GRTP1: variants seen among roughly 807,000 people sequenced by gnomAD.
GRTP1 encodes growth hormone regulated TBC protein 1.
In GRTP1, 56 loss-of-function variants were observed where a neutral mutation model predicts 38.1. That is an observed-to-expected ratio of 1.47 (90% CI 1.19 to 1.84). The LOEUF is 1.84. Among genes scored for constraint, GRTP1 ranks in the 40% most tolerant of loss-of-function variants. The pLI is 0.00. For missense variants in GRTP1, 506 were observed against 453.9 expected, an observed-to-expected ratio of 1.11 and a Z score of -1.04; for synonymous variants, 217 against 189.5, an observed-to-expected ratio of 1.14 and a Z score of -1.19.
chr13:113,339,093 T>C (rs963534758), intron 5 of GRTP1, among the ~76,000 whole-genome samples: 5 of 152,094 alleles, frequency 3.3e-5, no homozygotes, highest in Non-Finnish European at 7.4e-5. Flanking sequence ...TTTGTATTTT[T>C]AGTAGAGACA....
chr13:113,332,616 A>G (rs2042893706), intron 5 of GRTP1, among the ~76,000 whole-genome samples: 1 of 152,234 alleles, frequency 6.6e-6, no homozygotes, highest in East Asian at 1.9e-4. Flanking sequence ...ACGGTCTTCA[A>G]GCACTCCGTA....
chr13:113,329,176 G>A (rs1307840465), intron 5 of GRTP1, among the ~76,000 whole-genome samples: 1 of 152,250 alleles, frequency 6.6e-6, no homozygotes, highest in Non-Finnish European at 1.5e-5. Context: ...GACCTAAGGT[G>A]TACAGGGGAA....
At chr13:113,363,135 G>A (rs2043528520) in intron 2 of GRTP1, among the ~76,000 whole-genome samples, 1 of 152,188 alleles carries the variant, frequency 6.6e-6, no homozygotes, top group Admixed American at 6.5e-5. Flanking sequence ...CGAGGCGGGC[G>A]GGCGGTCAGG....
At chr13:113,340,373 G>T (rs1370646295) in intron 5 of GRTP1, among the ~76,000 whole-genome samples, 1 of 146,730 alleles carries the variant, frequency 6.8e-6, no homozygotes, top group East Asian at 2.1e-4. Context: ...CAGCTACTCA[G>T]AAGACTGAGG....
chr13:113,326,183 AC>A, intron 5 of GRTP1, 92 bp from the exon 6 acceptor site: 6 of 1,487,406 alleles, frequency 4.0e-6, no homozygotes, highest in Non-Finnish European at 5.4e-6. Context: ...CAACAGGGCC[AC>A]CCTGGGAGGA....
intron 5 of GRTP1, among the ~76,000 whole-genome samples, chr13:113,333,989 C>G (rs1247960944): frequency 2.0e-5 from 3 of 151,844 alleles, no homozygotes; most frequent in African/African-American, 7.3e-5. Flanking sequence ...TGTGCGCCAC[C>G]ATGCCTGGCT....
chr13:113,325,370 G>C, intron 7 of GRTP1: 3 of 1,427,726 alleles, frequency 2.1e-6, no homozygotes, highest in Non-Finnish European at 2.7e-6. Flanking sequence ...GGGGAGGCCG[G>C]GCCTCGGGAA....
At position 113,364,016 on chromosome 13, in the gene GRTP1, A is replaced by G. The variant is rs1408702578; in HGVS notation, c.32+4T>C. 3 of 1,355,114 alleles carry G rather than the reference A, an allele frequency of 2.2e-6. No homozygotes were observed. Among genetic ancestry groups the G allele is most frequent in the Non-Finnish European group, 9.5e-7 (1 of 1,057,896 alleles). 83.9% of individuals were successfully genotyped at this position (1,355,114 alleles called of 1,614,324 possible). A position where few individuals can be genotyped will look rare whatever the true frequency, so the allele number is the denominator to read the frequency against. On this transcript the variant is annotated splice_donor_region_variant and intron_variant, in intron 1 of 7. Coordinates refer to ENST00000375431, the MANE Select transcript of GRTP1 (RefSeq NM_024719.4). ...CGGGGACGCCCGCACCCCGCGCCAC[A>G]CACCTGGGGACCCGCGAGCGCTCGG...
intron 7 of GRTP1, chr13:113,324,866 G>C (rs1719584703): frequency 1.6e-5 from 16 of 1,025,304 alleles, no homozygotes; most frequent in Non-Finnish European, 1.9e-5. Flanking sequence ...TCACTCTGTT[G>C]CCCAGGCTGG....
At chr13:113,330,844 A>T (rs79007994) in intron 5 of GRTP1, among the ~76,000 whole-genome samples, 756 of 972 alleles carry the variant, frequency 0.78, 319 homozygotes, top group South Asian at 0.92. Context: ...GGTGTGTGGA[A>T]GGAAACCCAG....
chr13:113,337,020 G>A (rs1209252870), intron 5 of GRTP1, among the ~76,000 whole-genome samples: 1 of 152,342 alleles, frequency 6.6e-6, no homozygotes, highest in East Asian at 1.9e-4. Context: ...GAGGCCAGGC[G>A]TGGTGGCTCA....
rs1425677041 is a variant in GRTP1, at chr13:113,342,504, C to CA, written c.562+2358dup. On this transcript the variant is annotated intron_variant, in intron 5 of 7. Transcript: ENST00000375431. This position sits in a 1 kb window ranked among gnomAD's most constrained non-coding sequence, Gnocchi z 4.5. ...TGGGCGACAGAGCGAGACTCAGTCT[C>CA]AAAAAAAAAAAAGTACTGTATTTTT... is the stretch of plus-strand genomic sequence containing the variant. 4.0e-3 allele frequency among the ~76,000 whole-genome samples: 550 copies of CA among 136,024 alleles called. 2 individuals are homozygous for CA. Among genetic ancestry groups the CA allele is most frequent in the African/African-American group, 0.012 (436 of 36,910 alleles). 89.2% of individuals were successfully genotyped at this position (136,024 alleles called of 152,430 possible).
At chr13:113,326,330 C>T (rs538176174) in intron 5 of GRTP1, among the ~76,000 whole-genome samples, 12 of 139,290 alleles carry the variant, frequency 8.6e-5, no homozygotes, top group Admixed American at 1.6e-4. Context: ...GGCTGGATGC[C>T]GCCTGGCTGG....
intron 3 of GRTP1, among the ~76,000 whole-genome samples, chr13:113,352,252 A>ATT (rs1566437454): frequency 8.3e-6 from 1 of 121,028 alleles, no homozygotes; most frequent in South Asian, 2.4e-4. Flanking sequence ...ATTTATATAT[A>ATT]TTTATATATT....
At chr13:113,335,791 AT>A (rs879303395) in intron 5 of GRTP1, among the ~76,000 whole-genome samples, 1,552 of 145,120 alleles carry the variant, frequency 0.011, 7 homozygotes, top group Middle Eastern at 0.042. Context: ...AAATGACGGG[AT>A]TTTTTTTTTT....
At chr13:113,340,330 T>C (rs1172201044) in intron 5 of GRTP1, among the ~76,000 whole-genome samples, 1 of 145,000 alleles carries the variant, frequency 6.9e-6, no homozygotes, top group Non-Finnish European at 1.5e-5. Context: ...AAAAAAAAAA[T>C]CAACTAGGCA....
intron 5 of GRTP1, among the ~76,000 whole-genome samples, chr13:113,329,758 C>G (rs2042829988): frequency 6.6e-6 from 1 of 152,172 alleles, no homozygotes; most frequent in Non-Finnish European, 1.5e-5. Flanking sequence ...ACCAAAAATA[C>G]CATTTGTGGG....
chr13:113,352,291 TTTATATATA>T, intron 3 of GRTP1, among the ~76,000 whole-genome samples: 1 of 49,940 alleles, frequency 2.0e-5, no homozygotes, highest in Admixed American at 3.1e-4. Flanking sequence ...TTTATATATA[TTTATATATA>T]TTTTATATAT....
In GRTP1 at chr13:113,360,521, A is replaced by T. The variant is rs115888727; in HGVS notation, c.181+3241T>A. Among the ~76,000 whole-genome samples, 938 of 152,182 alleles carry T rather than the reference A, an allele frequency of 6.2e-3. 10 individuals carry two copies. Among genetic ancestry groups the T allele is most frequent in the African/African-American group, 0.016 (646 of 41,508 alleles). On this transcript the variant is annotated intron_variant, in intron 2 of 7. Transcript: ENST00000375431. Reference sequence around the variant, plus strand: ...AAGTGGTATTCCCATTTTTGGAATAACTCGTCCACTCCAGTTTTATACCCG... The same window carrying T: ...AAGTGGTATTCCCATTTTTGGAATATCTCGTCCACTCCAGTTTTATACCCG...
Sources: gnomAD v4.1 joint callset for allele counts (sites outside exome capture counted in the v4.1 genomes callset) on GRCh38, gnomAD v4.1.1 for gene constraint, Gnocchi (gnomAD v3.1) non-coding constraint, MANE v1.5 for transcripts, NCBI Gene and HGNC (gene_info 2026-07-23, HGNC 2026-07-21) for gene names.